The following AZIN2 variants were observed in gnomAD, a reference collection of about 807,000 sequenced individuals.
AZIN2 encodes the protein antizyme inhibitor 2.
AZIN2 carries 28 observed loss-of-function variants against 47.8 expected under a neutral mutation model. The observed-to-expected ratio is 0.59, with a 90% CI of 0.43 to 0.80. The LOEUF (loss-of-function observed/expected upper bound fraction) is 0.80. Ranked by LOEUF, AZIN2 falls within the 30% of genes least tolerant of loss-of-function variation. The pLI, the probability that AZIN2 is intolerant of heterozygous loss-of-function variation, is 0.00. For missense variants in AZIN2, 535 were observed against 582.5 expected, an observed-to-expected ratio of 0.92 and a Z score of 0.84; for synonymous variants, 221 against 239.4, an observed-to-expected ratio of 0.92 and a Z score of 0.71.
At chr1:33,132,962 G>A in the AZIN2 span, among the ~76,000 whole-genome samples, 35 of 152,252 alleles carry the variant, frequency 2.3e-4, no homozygotes, top group African/African-American at 8.2e-4. Context: ...AGGGCTGCAA[G>A]CCCTGGATAA....
chr1:33,146,509 G>A, the AZIN2 span: 1 of 157,660 alleles, frequency 6.3e-6, no homozygotes, highest in Non-Finnish European at 1.4e-5. Flanking sequence ...CCTGTCCCTC[G>A]GCCTGTGGGC....
downstream of AZIN2, among the ~76,000 whole-genome samples, chr1:33,127,919 A>G (rs893258207): frequency 6.6e-6 from 1 of 151,690 alleles, no homozygotes; most frequent in Non-Finnish European, 1.5e-5. Context: ...AATGACAAGG[A>G]CTCCTACCCT....
the AZIN2 span, among the ~76,000 whole-genome samples, chr1:33,161,234 G>A: frequency 5.3e-5 from 8 of 152,354 alleles, no homozygotes; most frequent in African/African-American, 1.9e-4. The surrounding 1 kb of genome is among the most constrained non-coding windows in gnomAD (Gnocchi z 4.3). Flanking sequence ...TGAGAGACGG[G>A]TTCTGAGCCG....
the AZIN2 span, chr1:33,146,948 T>C: frequency 1.7e-6 from 1 of 572,906 alleles, no homozygotes; most frequent in Non-Finnish European, 3.1e-6. Context: ...CATCCTTGGA[T>C]CAAAGCTGTA....
At chr1:33,084,168 C>G (rs1053335967) in intron 5 of AZIN2, 41 bp downstream of exon 5, 1 of 1,599,210 alleles carries the variant, frequency 6.3e-7, no homozygotes, top group Non-Finnish European at 8.5e-7. Context: ...TCCATGCCCA[C>G]TGAACACACA....
chr1:33,093,430 A>AC lies in AZIN2; in HGVS notation c.587+18dup. The AC allele has an allele frequency of 6.2e-7, 1 of 1,610,104 alleles. No individual in the cohort carries two copies. The highest frequency in any genetic ancestry group is 1.1e-5 in the South Asian group (1 of 90,570). Reference sequence around the variant, plus strand: ...GGTGGGTGTGAGGTGAGCACTGGGAACCCCTGCCATCCCCTCCCACACCAG... The same window carrying AC: ...GGTGGGTGTGAGGTGAGCACTGGGAACCCCCTGCCATCCCCTCCCACACCAG... On this transcript the variant is annotated intron_variant, in intron 7 of 11. Transcript: ENST00000294517.
At chr1:33,156,821 T>A in the AZIN2 span, among the ~76,000 whole-genome samples, 1 of 152,206 alleles carries the variant, frequency 6.6e-6, no homozygotes, top group Non-Finnish European at 1.5e-5. Context: ...TCACTTTGGC[T>A]GAAATAATTA....
chr1:33,101,762 G>T (rs1347490960), intron 10 of AZIN2: 5 of 713,928 alleles, frequency 7.0e-6, no homozygotes, highest in African/African-American at 3.5e-5. Flanking sequence ...TATTATATTT[G>T]TTTTTTTGCT....
rs1570023249 is a variant in AZIN2, at chr1:33,096,707, A to T, written c.754A>T (p.Ile252Phe). Residue 252 changes from isoleucine to phenylalanine, a missense_variant and splice_region_variant, in exon 9 of 12, where the codon ATT becomes TTT. By Grantham distance (21) the Ile-to-Phe change is conservative. Transcript: ENST00000294517. ...TGTCTCCCCATTCTCCTCCTACCAGATTGCTTCCGTGATCAACTCAGCCTT... is the reference window on the plus strand; with the variant it reads ...TGTCTCCCCATTCTCCTCCTACCAGTTTGCTTCCGTGATCAACTCAGCCTT... The part of the protein sequence containing the change: ...TEGAKVRFEE[I>F]ASVINSALDL... 6.2e-7 allele frequency: 1 copy of T among 1,614,196 alleles called. No homozygotes were observed. Among genetic ancestry groups the T allele is most frequent in the East Asian group, 2.2e-5 (1 of 44,890 alleles).
At chr1:33,147,842 T>A in the AZIN2 span, 4 of 1,151,084 alleles carry the variant, frequency 3.5e-6, no homozygotes, top group Non-Finnish European at 4.9e-6. The surrounding 1 kb of genome is among the most constrained non-coding windows in gnomAD (Gnocchi z 8.1). Flanking sequence ...TCTGACCTGC[T>A]GTGTGACCTT....
Position 33,120,292 on chromosome 1 carries a change from C to T in AZIN2, c.*110C>T. 1 of 1,444,164 alleles carries T rather than the reference C, an allele frequency of 6.9e-7. No homozygotes were observed. The highest frequency in any genetic ancestry group is 1.3e-5 in the South Asian group (1 of 75,304). The allele number at this position is 1,444,164 out of a possible 1,614,324, so 89.5% of individuals were successfully genotyped here. ...CCTTGGCCAGGACTCTGGTGCCCAC[C>T]CTGCCACCCCCGCGCTCCACCTGCA... On this transcript the variant is annotated 3_prime_UTR_variant, in exon 12 of 12. Coordinates refer to ENST00000294517, the MANE Select transcript of AZIN2 (RefSeq NM_052998.4).
the AZIN2 span, among the ~76,000 whole-genome samples, chr1:33,143,436 C>T: frequency 6.6e-6 from 1 of 152,132 alleles, no homozygotes; most frequent in African/African-American, 2.4e-5. Context: ...AGAGCAGTCA[C>T]AGGGATCTGA....
chr1:33,154,516 G>C, the AZIN2 span, among the ~76,000 whole-genome samples: 2 of 148,870 alleles, frequency 1.3e-5, no homozygotes, highest in African/African-American at 5.0e-5. Context: ...TGTTTTTTTT[G>C]AGGCTGGGCG....
rs146485045 is a variant in AZIN2, at chr1:33,095,400, C to A, written c.753+687C>A. Among the ~76,000 whole-genome samples, 280 of 152,238 alleles carry A rather than the reference C, an allele frequency of 1.8e-3. 1 individual carries two copies. The highest frequency in any genetic ancestry group is 6.5e-3 in the African/African-American group (271 of 41,540). On this transcript the variant is annotated intron_variant, in intron 8 of 11. Coordinates refer to ENST00000294517, the MANE Select transcript of AZIN2 (RefSeq NM_052998.4). The stretch of plus-strand genomic sequence containing the variant: ...TACATCCTTTTGATGAAAACACTTC[C>A]TTAATGTGGGGAGGTCGTTCACAGT...
At chr1:33,093,519 G>A in intron 7 of AZIN2, 103 bp downstream of exon 7, 1 of 1,376,474 alleles carries the variant, frequency 7.3e-7, no homozygotes, top group South Asian at 1.5e-5. Context: ...TCTGAGTAGG[G>A]CCTGTCCCTG....
chr1:33,115,198 C>G (rs1258723126), intron 10 of AZIN2, among the ~76,000 whole-genome samples: 1 of 152,124 alleles, frequency 6.6e-6, no homozygotes, highest in East Asian at 1.9e-4. Flanking sequence ...ATCATGCCAC[C>G]TGCCTCCCAG....
At chr1:33,159,806 C>T in the AZIN2 span, 1 of 1,613,930 alleles carries the variant, frequency 6.2e-7, no homozygotes, top group Non-Finnish European at 8.5e-7. The surrounding 1 kb of genome is among the most constrained non-coding windows in gnomAD (Gnocchi z 4.2). Flanking sequence ...TAGCGCTGGA[C>T]TTTCTGCTCG....
chr1:33,165,429 T>C, the AZIN2 span: 1 of 1,476,792 alleles, frequency 6.8e-7, no homozygotes. The surrounding 1 kb of genome is among the most constrained non-coding windows in gnomAD (Gnocchi z 4.0). Flanking sequence ...AGCCCTGCCC[T>C]CATCTCTGCC....
At chr1:33,153,396 T>C in the AZIN2 span, among the ~76,000 whole-genome samples, 2 of 152,210 alleles carry the variant, frequency 1.3e-5, no homozygotes, top group Admixed American at 6.5e-5. Flanking sequence ...AGAGCAGTGG[T>C]TCTCAACTGG....
Sources: allele counts gnomAD v4.1 joint callset (sites outside exome capture counted in the v4.1 genomes callset), GRCh38; gene constraint gnomAD v4.1.1; non-coding constraint Gnocchi (gnomAD v3.1); transcripts MANE v1.5; gene names NCBI Gene and HGNC (gene_info 2026-07-23, HGNC 2026-07-21).